The following ARIH1 variants were observed in gnomAD, a reference collection of about 807,000 sequenced individuals.
The protein encoded by ARIH1 is E3 ubiquitin-protein ligase ARIH1.
ARIH1 carries 8 observed loss-of-function variants against 85.0 expected under a neutral mutation model. That is an observed-to-expected ratio of 0.09 (90% CI 0.06 to 0.17). The LOEUF is 0.17. Among genes scored for constraint, ARIH1 ranks in the 10% least tolerant of loss-of-function variants. ARIH1 has a pLI of 1.00. For missense variants in ARIH1, 311 were observed against 718.1 expected, an observed-to-expected ratio of 0.43 and a Z score of 6.48; for synonymous variants, 238 against 253.6, an observed-to-expected ratio of 0.94 and a Z score of 0.59.
intron 6 of ARIH1, 143 bp from the exon 7 acceptor site, chr15:72,563,251 G>A (rs904962643): frequency 4.8e-6 from 3 of 630,098 alleles, no homozygotes; most frequent in Non-Finnish European, 8.5e-6. Flanking sequence ...TAGAGACAAG[G>A]TCTTGCTATG....
intron 1 of ARIH1, among the ~76,000 whole-genome samples, chr15:72,500,212 A>T (rs918996667): frequency 6.6e-6 from 1 of 151,730 alleles, no homozygotes; most frequent in African/African-American, 2.4e-5. Flanking sequence ...CTCCTGCCTC[A>T]GCCTCCCGAG....
intron 1 of ARIH1, among the ~76,000 whole-genome samples, chr15:72,476,875 C>T (rs1167525440): frequency 6.6e-6 from 1 of 152,122 alleles, no homozygotes; most frequent in Non-Finnish European, 1.5e-5. Context: ...CAGAAATACT[C>T]TGAACAACCT....
At chr15:72,485,100 A>T (rs1262746469) in intron 1 of ARIH1, among the ~76,000 whole-genome samples, 1 of 152,090 alleles carries the variant, frequency 6.6e-6, no homozygotes, top group Non-Finnish European at 1.5e-5. Flanking sequence ...ATTATTTTTT[A>T]ATTTTTTGAT....
At chr15:72,518,277 C>T in intron 2 of ARIH1, 143 bp downstream of exon 2, 1 of 607,378 alleles carries the variant, frequency 1.6e-6, no homozygotes, top group Non-Finnish European at 2.8e-6. Flanking sequence ...GCTTTAATTT[C>T]TTGTATTCCC....
In ARIH1 at chr15:72,595,099, T is replaced by A. The variant is rs1567365981; in HGVS notation, c.*11807T>A. On this transcript the variant is annotated 3_prime_UTR_variant, in exon 14 of 14. Transcript: ENST00000379887. ...AATAAGATTATTATGTATTTCTCTTTTTATTTTGTTAAGATGGTATGTTAC... is the reference window on the plus strand; with the variant it reads ...AATAAGATTATTATGTATTTCTCTTATTATTTTGTTAAGATGGTATGTTAC... 6.6e-6 allele frequency: 1 copy of A among 152,232 alleles called. No individual in the cohort carries two copies. Among genetic ancestry groups the A allele is most frequent in the Non-Finnish European group, 1.5e-5 (1 of 68,042 alleles). The allele number at this position is 152,232 out of a possible 1,614,324, so 9.4% of individuals were successfully genotyped here. A position where few individuals can be genotyped will look rare whatever the true frequency, so the allele number is the denominator to read the frequency against.
chr15:72,477,880 A>G (rs911083872), intron 1 of ARIH1, among the ~76,000 whole-genome samples: 6 of 151,996 alleles, frequency 3.9e-5, no homozygotes, highest in African/African-American at 7.3e-5. Flanking sequence ...ATCTCAGCTT[A>G]CTGCAACCTC....
At chr15:72,541,857 A>C (rs953608471) in intron 2 of ARIH1, among the ~76,000 whole-genome samples, 4 of 152,244 alleles carry the variant, frequency 2.6e-5, no homozygotes, top group Non-Finnish European at 5.9e-5. Context: ...TAGCAGAGCA[A>C]ACATAAAGAG....
chr15:72,535,243 G>A (rs995216549), intron 2 of ARIH1, among the ~76,000 whole-genome samples: 3 of 152,048 alleles, frequency 2.0e-5, no homozygotes, highest in Non-Finnish European at 2.9e-5. Flanking sequence ...GAGCCACCGC[G>A]CCCGGCCTTA....
chr15:72,500,387 G>T (rs1401699269), intron 1 of ARIH1, among the ~76,000 whole-genome samples: 9 of 152,104 alleles, frequency 5.9e-5, no homozygotes, highest in African/African-American at 1.2e-4. Context: ...GCCACTTTAT[G>T]ACTTTATTTA....
rs1468023158 is a variant in ARIH1, at chr15:72,585,272, C to T, written c.*1980C>T. ...CCTTTTCTCCTTTCCTCCCTTGCCACCTCAGGTGCAAATCTGAACTCAGTG... is the reference window on the plus strand; with the variant it reads ...CCTTTTCTCCTTTCCTCCCTTGCCATCTCAGGTGCAAATCTGAACTCAGTG... On this transcript the variant is annotated 3_prime_UTR_variant, in exon 14 of 14. Coordinates refer to ENST00000379887, the MANE Select transcript of ARIH1 (RefSeq NM_005744.5). 1 of 152,182 alleles carries T rather than the reference C, an allele frequency of 6.6e-6. No homozygotes were observed. The highest frequency in any genetic ancestry group is 1.5e-5 in the Non-Finnish European group (1 of 68,052). 9.4% of individuals were successfully genotyped at this position (152,182 alleles called of 1,614,324 possible). A position where few individuals can be genotyped will look rare whatever the true frequency, so the allele number is the denominator to read the frequency against.
intron 7 of ARIH1, among the ~76,000 whole-genome samples, chr15:72,565,873 T>A (rs2064217746): frequency 6.6e-6 from 1 of 152,250 alleles, no homozygotes; most frequent in Non-Finnish European, 1.5e-5. Flanking sequence ...TGTTTCTGTC[T>A]TTAGCAAAGG....
rs1483824854 is a variant in ARIH1 at position 72,602,416 on chromosome 15, G to C, written c.*19124G>C. On this transcript the variant is annotated 3_prime_UTR_variant, in exon 14 of 14. Transcript: ENST00000379887. ...CACAGTTATATTTTCATATGTTAAA[G>C]AGCCATTTGTATTTCTTGGTGAATT... is the stretch of plus-strand genomic sequence containing the variant. The C allele has an allele frequency of 6.6e-6, 1 of 152,140 alleles. No individual in the cohort carries two copies. Among genetic ancestry groups the C allele is most frequent in the East Asian group, 1.9e-4 (1 of 5,188 alleles). The allele number at this position is 152,140 out of a possible 1,614,324, so 9.4% of individuals were successfully genotyped here. A position where few individuals can be genotyped will look rare whatever the true frequency, so the allele number is the denominator to read the frequency against.
At position 72,571,051 on chromosome 15, in the gene ARIH1, C is replaced by A. The variant is rs184774580; in HGVS notation, c.1157+744C>A. Reference sequence around the variant, plus strand: ...GGCTGAGGCAGGAGAATCACTTGAACTCGGGAGGTGGAGGTTGCACTGAAC... The same window carrying A: ...GGCTGAGGCAGGAGAATCACTTGAAATCGGGAGGTGGAGGTTGCACTGAAC... On this transcript the variant is annotated intron_variant, in intron 10 of 13. Coordinates refer to ENST00000379887, the MANE Select transcript of ARIH1 (RefSeq NM_005744.5). Among the ~76,000 whole-genome samples, 34 of 139,034 alleles carry A rather than the reference C, an allele frequency of 2.4e-4. No homozygotes were observed. In the East Asian group the frequency reaches 2.6e-3, roughly 11 times the overall value. 91.2% of individuals were successfully genotyped at this position (139,034 alleles called of 152,430 possible).
intron 5 of ARIH1, among the ~76,000 whole-genome samples, chr15:72,557,534 C>G (rs2064179528): frequency 6.6e-6 from 1 of 152,078 alleles, no homozygotes; most frequent in African/African-American, 2.4e-5. Context: ...TTCAGCTGTA[C>G]AGAAGCTCAT....
At chr15:72,480,856 C>A (rs1055100091) in intron 1 of ARIH1, among the ~76,000 whole-genome samples, 1 of 152,172 alleles carries the variant, frequency 6.6e-6, no homozygotes, top group Non-Finnish European at 1.5e-5. Flanking sequence ...GCCACCTTGC[C>A]CGGCCTTGTT....
intron 1 of ARIH1, among the ~76,000 whole-genome samples, chr15:72,516,201 A>C (rs2063974354): frequency 6.6e-6 from 1 of 152,148 alleles, no homozygotes; most frequent in Non-Finnish European, 1.5e-5. Flanking sequence ...TTCCTGAAAT[A>C]GTTTACCCCA....
chr15:72,568,101 A>G (rs1234491748), intron 9 of ARIH1, among the ~76,000 whole-genome samples: 1 of 152,344 alleles, frequency 6.6e-6, no homozygotes, highest in South Asian at 2.1e-4. Flanking sequence ...CTTGCCACAT[A>G]AAACAAATGC....
At chr15:72,540,288 GA>G (rs1439372894) in intron 2 of ARIH1, among the ~76,000 whole-genome samples, 1 of 145,920 alleles carries the variant, frequency 6.9e-6, no homozygotes, top group African/African-American at 2.5e-5. Context: ...AAAAATTAGT[GA>G]AAAAATTATA....
At chr15:72,475,096 C>A in intron 1 of ARIH1, 82 bp downstream of exon 1, 1 of 1,519,214 alleles carries the variant, frequency 6.6e-7, no homozygotes, top group Non-Finnish European at 8.9e-7. Flanking sequence ...GAGGGACAGG[C>A]CTGGGCCTGG....
Sources: gnomAD v4.1 joint callset for allele counts (sites outside exome capture counted in the v4.1 genomes callset) on GRCh38, gnomAD v4.1.1 for gene constraint, MANE v1.5 for transcripts, NCBI Gene and HGNC (gene_info 2026-07-23, HGNC 2026-07-21) for gene names.